The following KLRD1 variants were observed in gnomAD, a reference collection of about 807,000 sequenced individuals.
The protein encoded by KLRD1 is killer cell lectin like receptor D1.
In KLRD1, 21 loss-of-function variants were observed where a neutral mutation model predicts 22.6. The ratio of observed to expected loss-of-function variants is 0.93; its 90% CI spans 0.66 to 1.34. The LOEUF (loss-of-function observed/expected upper bound fraction) is 1.34, where lower values mean the gene tolerates loss of function less well. KLRD1 is among the 40% of genes most tolerant of loss of function. The pLI is 0.00. For missense variants in KLRD1, 183 were observed against 208.6 expected, an observed-to-expected ratio of 0.88 and a Z score of 0.76; for synonymous variants, 59 against 71.1, an observed-to-expected ratio of 0.83 and a Z score of 0.85.
In KLRD1 at chr12:10,243,596, G is replaced by A. The variant is rs558678638; in HGVS notation, c.-101+17363G>A. 3.9e-4 allele frequency among the ~76,000 whole-genome samples: 35 copies of A among 89,762 alleles called. No individual in the cohort carries two copies. In the South Asian group the frequency reaches 0.016, roughly 41 times the overall value. The allele number at this position is 89,762 out of a possible 152,430, so 58.9% of individuals were successfully genotyped here. A position where few individuals can be genotyped will look rare whatever the true frequency, so the allele number is the denominator to read the frequency against. On this transcript the variant is annotated intron_variant, in intron 1 of 5. Transcript: ENST00000544747. ...GCCACTCACTCCAGCCTGGGCAACA[G>A]AGTGAGACTCCAAAAAAAAAAAAAA...
intron 1 of KLRD1, among the ~76,000 whole-genome samples, chr12:10,246,843 T>A (rs1172972734): frequency 6.6e-6 from 1 of 152,142 alleles, no homozygotes; most frequent in Non-Finnish European, 1.5e-5. Context: ...GAAGTCTTCC[T>A]TCATAGTCCC....
At chr12:10,247,960 G>A (rs1057114818) in intron 1 of KLRD1, among the ~76,000 whole-genome samples, 4 of 152,062 alleles carry the variant, frequency 2.6e-5, no homozygotes, top group African/African-American at 7.2e-5. Context: ...GCATGAGTAC[G>A]GACTAATACA....
rs753290431 is a variant in KLRD1, at chr12:10,309,436, T to C, written c.56T>C (p.Ile19Thr). The C allele has an allele frequency of 1.9e-6, 3 of 1,554,880 alleles. No homozygotes were observed. In the East Asian group the frequency reaches 6.7e-5, roughly 35 times the overall value. Residue 19 changes from isoleucine to threonine, a missense_variant, in exon 2 of 6, where the codon ATA (isoleucine) becomes ACA (threonine). Ile to Thr is a moderately conservative substitution (Grantham distance 89). Transcript: ENST00000336164. The part of the protein sequence containing the change: ...WRLISGTLGI[I>T]CLSLMSTLGI... ...TTAATTTCTGGGACCTTAGGGATAA[T>C]ATGCCTTTCGTTGATGTCTACGTTG...
intron 1 of KLRD1, among the ~76,000 whole-genome samples, chr12:10,276,009 T>C (rs1949588798): frequency 6.6e-6 from 1 of 152,212 alleles, no homozygotes; most frequent in South Asian, 2.1e-4. Context: ...TTTTTGCTTA[T>C]TTTAATTATA....
At chr12:10,257,413 G>A (rs899041905) in intron 1 of KLRD1, among the ~76,000 whole-genome samples, 1 of 137,870 alleles carries the variant, frequency 7.3e-6, no homozygotes, top group African/African-American at 2.8e-5. Context: ...ACTTTTCTCT[G>A]TTCTTTTAAA....
chr12:10,308,047 T>C lies in KLRD1; in HGVS notation c.-31T>C. On this transcript the variant is annotated 5_prime_UTR_variant, in exon 1 of 6. Transcript: ENST00000336164. The stretch of plus-strand genomic sequence containing the variant: ...TTCTGAAAAAGTACACATCGTGCCT[T>C]CTCTACTTCGCTCTTGGAACATAAT... The C allele has an allele frequency of 6.2e-7, 1 of 1,606,880 alleles. No homozygotes were observed. Among genetic ancestry groups the C allele is most frequent in the East Asian group, 2.2e-5 (1 of 44,822 alleles).
upstream of KLRD1, among the ~76,000 whole-genome samples, chr12:10,302,814 A>C (rs1488345698): frequency 6.6e-6 from 1 of 152,018 alleles, no homozygotes; most frequent in South Asian, 2.1e-4. Flanking sequence ...TATTGATGCT[A>C]TCTATAGGAG....
At position 10,317,887 on chromosome 12, in the gene KLRD1, A is replaced by G. The variant is rs1446203562; in HGVS notation, c.*3094A>G. The G allele has an allele frequency of 6.6e-6, 1 of 152,244 alleles. No homozygotes were observed. The highest frequency in any genetic ancestry group is 1.5e-5 in the Non-Finnish European group (1 of 68,048). The allele number at this position is 152,244 out of a possible 1,614,324, so 9.4% of individuals were successfully genotyped here. A position where few individuals can be genotyped will look rare whatever the true frequency, so the allele number is the denominator to read the frequency against. On this transcript the variant is annotated 3_prime_UTR_variant, in exon 6 of 6. Transcript: ENST00000336164. The stretch of plus-strand genomic sequence containing the variant: ...GCAAACACATCCCTCTACGCATGGC[A>G]GCAGAAAGGAGACGTGCTGAGCAAA...
At chr12:10,257,444 C>T (rs1238608254) in intron 1 of KLRD1, among the ~76,000 whole-genome samples, 1 of 142,722 alleles carries the variant, frequency 7.0e-6, no homozygotes, top group African/African-American at 2.7e-5. Flanking sequence ...TCTTCTGACT[C>T]AGTAATTTCA....
intron 1 of KLRD1, among the ~76,000 whole-genome samples, chr12:10,269,039 A>T (rs1055418824): frequency 6.6e-6 from 1 of 151,860 alleles, no homozygotes; most frequent in African/African-American, 2.4e-5. Flanking sequence ...TCCTAAACTA[A>T]TTTTACTGAT....
intron 1 of KLRD1, among the ~76,000 whole-genome samples, chr12:10,297,720 A>G (rs1269086951): frequency 6.6e-6 from 1 of 152,144 alleles, no homozygotes; most frequent in Non-Finnish European, 1.5e-5. Context: ...GATTGTTTCT[A>G]TGTATTATTC....
intron 1 of KLRD1, among the ~76,000 whole-genome samples, chr12:10,282,535 G>T (rs935678172): frequency 6.6e-6 from 1 of 152,104 alleles, no homozygotes. Context: ...GGGATTACAG[G>T]TGTGAGCCAC....
chr12:10,306,824 CT>C (rs200173264), upstream of KLRD1, among the ~76,000 whole-genome samples: 14 of 152,080 alleles, frequency 9.2e-5, no homozygotes, highest in East Asian at 2.7e-3. Flanking sequence ...AAAGTTTTGA[CT>C]TCATAAAAAC....
At position 10,321,101 on chromosome 12, in the gene KLRD1, G is replaced by C. The variant is rs1485704660; in HGVS notation, c.*6308G>C. The C allele has an allele frequency of 6.6e-6, 1 of 152,186 alleles. No homozygotes were observed. Among genetic ancestry groups the C allele is most frequent in the East Asian group, 1.9e-4 (1 of 5,202 alleles). The allele number at this position is 152,186 out of a possible 1,614,324, so 9.4% of individuals were successfully genotyped here. A position where few individuals can be genotyped will look rare whatever the true frequency, so the allele number is the denominator to read the frequency against. On this transcript the variant is annotated 3_prime_UTR_variant, in exon 6 of 6. Coordinates refer to ENST00000336164, the MANE Select transcript of KLRD1 (RefSeq NM_002262.5). ...GTTATGAAGAGTGATTTTATAAGCA[G>C]AAATAGGACTGAGTCCTAATCAAAT...
At chr12:10,255,057 C>T (rs968294382) in intron 1 of KLRD1, among the ~76,000 whole-genome samples, 1 of 151,492 alleles carries the variant, frequency 6.6e-6, no homozygotes, top group Non-Finnish European at 1.5e-5. Flanking sequence ...TGTCTCACAT[C>T]AGTCAGAATG....
chr12:10,281,893 C>A (rs1949647248), intron 1 of KLRD1, among the ~76,000 whole-genome samples: 1 of 152,142 alleles, frequency 6.6e-6, no homozygotes, highest in Non-Finnish European at 1.5e-5. Flanking sequence ...AAACCTTGGT[C>A]ATAAACTTAC....
At chr12:10,247,387 A>T (rs1156787720) in intron 1 of KLRD1, among the ~76,000 whole-genome samples, 2 of 152,138 alleles carry the variant, frequency 1.3e-5, no homozygotes, top group Non-Finnish European at 2.9e-5. Context: ...CAAACATCTT[A>T]TCCAAGTAGA....
intron 1 of KLRD1, among the ~76,000 whole-genome samples, chr12:10,295,700 CA>C (rs1949815499): frequency 6.6e-6 from 1 of 151,874 alleles, no homozygotes; most frequent in Admixed American, 6.6e-5. Flanking sequence ...GTAAATAAAA[CA>C]GAAACATTTA....
chr12:10,241,173 G>A (rs61919792), intron 1 of KLRD1, among the ~76,000 whole-genome samples: 24,730 of 151,988 alleles, frequency 0.16, 2,578 homozygotes, highest in Non-Finnish European at 0.24. Context: ...GACACAAAAC[G>A]TTGAAAGTTT....
Sources: gnomAD v4.1 joint callset for allele counts (sites outside exome capture counted in the v4.1 genomes callset) on GRCh38, gnomAD v4.1.1 for gene constraint, MANE v1.5 for transcripts, NCBI Gene and HGNC (gene_info 2026-07-23, HGNC 2026-07-21) for gene names.